NRXN1: variants seen among roughly 807,000 people sequenced by gnomAD.
NRXN1 encodes neurexin-1.
A neutral mutation model predicts 150.9 loss-of-function variants in NRXN1; 39 were observed. The observed-to-expected ratio is 0.26, with a 90% CI of 0.20 to 0.34. The LOEUF (loss-of-function observed/expected upper bound fraction) is 0.34. Among genes scored for constraint, NRXN1 ranks in the 10% least tolerant of loss-of-function variants. NRXN1 has a pLI of 1.00. For synonymous variants in NRXN1, 924 were observed against 757.0 expected (o/e 1.22, Z -3.62); for missense variants, 1,815 against 1,949.9 (o/e 0.93, Z 1.30).
At chr2:50,834,450 GA>G (rs1472452859) in intron 5 of NRXN1, among the ~76,000 whole-genome samples, 2 of 152,054 alleles carry the variant, frequency 1.3e-5, no homozygotes, top group Non-Finnish European at 2.9e-5. Flanking sequence ...ATTTCAGGAG[GA>G]AAACAATAAC....
At chr2:50,227,143 C>G (rs557924) in intron 18 of NRXN1, among the ~76,000 whole-genome samples, 63,718 of 146,986 alleles carry the variant, frequency 0.43, 13,702 homozygotes, top group Middle Eastern at 0.48. Flanking sequence ...ACAAAAAATG[C>G]AAGAGTACAC....
intron 5 of NRXN1, among the ~76,000 whole-genome samples, chr2:50,843,788 C>T (rs1311570461): frequency 6.6e-6 from 1 of 152,180 alleles, no homozygotes; most frequent in African/African-American, 2.4e-5. Context: ...ATCAAGACTG[C>T]AGTAGGAAGT....
At chr2:50,233,106 T>C (rs1239226433) in intron 18 of NRXN1, among the ~76,000 whole-genome samples, 1 of 152,146 alleles carries the variant, frequency 6.6e-6, no homozygotes, top group Non-Finnish European at 1.5e-5. Context: ...AGCCACAGTA[T>C]TTTCAATGTA....
intron 17 of NRXN1, among the ~76,000 whole-genome samples, chr2:50,248,867 C>T (rs568462522): frequency 5.3e-5 from 8 of 152,022 alleles, no homozygotes; most frequent in African/African-American, 1.4e-4. Context: ...ACGTTTTGGG[C>T]TGGGTATGGT....
At chr2:50,237,854 G>A (rs2065613015) in intron 17 of NRXN1, among the ~76,000 whole-genome samples, 2 of 151,986 alleles carry the variant, frequency 1.3e-5, no homozygotes, top group Admixed American at 6.6e-5. Context: ...GTTGAGGGCA[G>A]GGCCTGGTGG....
chr2:49,946,591 T>C (rs1672938440), intron 21 of NRXN1, among the ~76,000 whole-genome samples: 1 of 152,200 alleles, frequency 6.6e-6, no homozygotes, highest in African/African-American at 2.4e-5. Context: ...GGTTTCAGTT[T>C]CCTGCATATG....
At chr2:50,468,039 T>G (rs1241024449) in intron 16 of NRXN1, among the ~76,000 whole-genome samples, 4 of 151,652 alleles carry the variant, frequency 2.6e-5, no homozygotes, top group African/African-American at 9.7e-5. Context: ...CTTAGCATAT[T>G]TCTTCCAGTG....
At chr2:50,641,931 T>C (rs778275380) in intron 5 of NRXN1, among the ~76,000 whole-genome samples, 1 of 152,112 alleles carries the variant, frequency 6.6e-6, no homozygotes, top group Non-Finnish European at 1.5e-5. Context: ...TTCTGCTCTC[T>C]GAACAAACAT....
At position 50,179,563 on chromosome 2, in the gene NRXN1, T is replaced by C. The variant is rs544560911; in HGVS notation, c.3546+57226A>G. 3.3e-5 allele frequency among the ~76,000 whole-genome samples: 5 copies of C among 152,210 alleles called. No homozygotes were observed. In the South Asian group the frequency reaches 1.0e-3, roughly 32 times the overall value. On this transcript the variant is annotated intron_variant, in intron 18 of 22. Coordinates refer to ENST00000401669, the MANE Select transcript of NRXN1 (RefSeq NM_001330078.2). Reference sequence around the variant, plus strand: ...TCTGAAAATGATATTGATTCTATGGTAACATGCACAAAGGCACTAATCAGG... The same window carrying C: ...TCTGAAAATGATATTGATTCTATGGCAACATGCACAAAGGCACTAATCAGG...
chr2:50,162,951 C>G (rs1354044331), intron 18 of NRXN1, among the ~76,000 whole-genome samples: 1 of 151,794 alleles, frequency 6.6e-6, no homozygotes, highest in Non-Finnish European at 1.5e-5. Context: ...ACTGCTTTTA[C>G]TATTTGTATG....
chr2:49,934,785 TTC>T (rs956305320), intron 22 of NRXN1, among the ~76,000 whole-genome samples: 4 of 151,698 alleles, frequency 2.6e-5, no homozygotes, highest in African/African-American at 9.7e-5. Flanking sequence ...CACTCTCCCT[TTC>T]TCTCTCTCTC....
At chr2:50,625,870 T>C (rs1451877553) in intron 5 of NRXN1, among the ~76,000 whole-genome samples, 4 of 152,060 alleles carry the variant, frequency 2.6e-5, no homozygotes, top group African/African-American at 7.2e-5. Flanking sequence ...GTCTTCCTGC[T>C]TGCCTAATTA....
At chr2:50,965,186 G>C (rs1008114941) in intron 2 of NRXN1, among the ~76,000 whole-genome samples, 1 of 151,176 alleles carries the variant, frequency 6.6e-6, no homozygotes, top group African/African-American at 2.4e-5. Context: ...ACGATATATT[G>C]TGTCATATGT....
At chr2:50,067,138 G>A (rs936050588) in intron 19 of NRXN1, among the ~76,000 whole-genome samples, 1 of 152,186 alleles carries the variant, frequency 6.6e-6, no homozygotes, top group Admixed American at 6.5e-5. Flanking sequence ...TGAGACTGCT[G>A]TGATGTTGGG....
At chr2:50,945,518 C>CTATA (rs56782252) in intron 2 of NRXN1, among the ~76,000 whole-genome samples, 15 of 147,670 alleles carry the variant, frequency 1.0e-4, no homozygotes, top group South Asian at 4.3e-4. Context: ...CTCTCTCTTA[C>CTATA]TATATATATA....
chr2:50,779,956 A>C (rs1704149298), intron 5 of NRXN1, among the ~76,000 whole-genome samples: 1 of 152,126 alleles, frequency 6.6e-6, no homozygotes, highest in Non-Finnish European at 1.5e-5. Flanking sequence ...GTCTTCCACA[A>C]TGTTTAAAAT....
At chr2:50,005,291 T>A (rs567896237) in intron 21 of NRXN1, among the ~76,000 whole-genome samples, 1 of 152,246 alleles carries the variant, frequency 6.6e-6, no homozygotes, top group Admixed American at 6.5e-5. Flanking sequence ...GACAAAGATA[T>A]GGTATACTAT....
chr2:50,308,003 G>A (rs1279520675), intron 17 of NRXN1, among the ~76,000 whole-genome samples: 2 of 152,122 alleles, frequency 1.3e-5, no homozygotes, highest in African/African-American at 4.8e-5. Context: ...ATGATGTTTT[G>A]ACATATGTAA....
intron 17 of NRXN1, among the ~76,000 whole-genome samples, chr2:50,247,917 G>A (rs984521294): frequency 6.6e-6 from 1 of 152,110 alleles, no homozygotes; most frequent in African/African-American, 2.4e-5. Context: ...GAAGACACAA[G>A]AAGGCTCTTT....
Sources: gnomAD v4.1 joint callset for allele counts (sites outside exome capture counted in the v4.1 genomes callset) on GRCh38, gnomAD v4.1.1 for gene constraint, MANE v1.5 for transcripts, NCBI Gene and HGNC (gene_info 2026-07-23, HGNC 2026-07-21) for gene names.